PLB1: variants seen among roughly 807,000 people sequenced by gnomAD.
The protein encoded by PLB1 is phospholipase B1.
A neutral mutation model predicts 227.4 loss-of-function variants in PLB1; 242 were observed. That is an observed-to-expected ratio of 1.06 (90% CI 0.96 to 1.18). PLB1 has a LOEUF of 1.18. Ranked by LOEUF, PLB1 falls within the 50% of genes most tolerant of loss-of-function variation. The pLI is 0.00. For synonymous variants in PLB1, 757 were observed against 682.2 expected, an observed-to-expected ratio of 1.11 and a Z score of -1.71; for missense variants, 1,858 against 1,816.3, an observed-to-expected ratio of 1.02 and a Z score of -0.42.
chr2:28,575,903 G>T lies in PLB1; in HGVS notation c.1434-2204G>T, dbSNP rs1573088393. On this transcript the variant is annotated intron_variant, in intron 21 of 57. Coordinates refer to ENST00000327757, the MANE Select transcript of PLB1 (RefSeq NM_153021.5). ...GAGGCTTTCTTTTCCTTTTGATGGG[G>T]ATAGGATTAAAAGGCTGCAGGTTTA... Among the ~76,000 whole-genome samples, 3 of 152,258 alleles carry T rather than the reference G, an allele frequency of 2.0e-5. No homozygotes were observed. The South Asian group carries it at 6.2e-4, about 32-fold the overall frequency.
At chr2:28,550,744 G>A (rs1674115016) in intron 16 of PLB1, among the ~76,000 whole-genome samples, 1 of 151,870 alleles carries the variant, frequency 6.6e-6, no homozygotes, top group Non-Finnish European at 1.5e-5. Context: ...GTTTCACCAT[G>A]TTGGCCAGGC....
Position 28,606,399 on chromosome 2 carries a change from G to A in PLB1, c.3058-97G>A, listed in dbSNP as rs930137059. Reference sequence around the variant, plus strand: ...TGGGAGCCAAGCCCCCTGAAATCGAGTTCTGAGCTTTCCCCACTGCAGGAT... The same window carrying A: ...TGGGAGCCAAGCCCCCTGAAATCGAATTCTGAGCTTTCCCCACTGCAGGAT... On this transcript the variant is annotated intron_variant, in intron 42 of 57. Coordinates refer to ENST00000327757, the MANE Select transcript of PLB1 (RefSeq NM_153021.5). 37 of 1,269,746 alleles carry A rather than the reference G, an allele frequency of 2.9e-5. No homozygotes were observed. In the African/African-American group the frequency reaches 4.9e-4, roughly 17 times the overall value. The allele number at this position is 1,269,746 out of a possible 1,614,324, so 78.7% of individuals were successfully genotyped here. A position where few individuals can be genotyped will look rare whatever the true frequency, so the allele number is the denominator to read the frequency against.
rs1191197505 is a variant in PLB1 at position 28,569,486 on chromosome 2, A to T, written c.1324+2647A>T. ...AGTTCAACAAAACTGACAAAACTTT[A>T]GACTGACAAAAGGGAGGGGAAATGA... is the stretch of plus-strand genomic sequence containing the variant. On this transcript the variant is annotated intron_variant, in intron 20 of 57. Transcript: ENST00000327757. Among the ~76,000 whole-genome samples the T allele has an allele frequency of 3.3e-5, 5 of 152,338 alleles. No homozygotes were observed. In the South Asian group the frequency reaches 6.2e-4, roughly 19 times the overall value.
chr2:28,640,623 G>C (rs746282326), intron 56 of PLB1, among the ~76,000 whole-genome samples: 2 of 152,200 alleles, frequency 1.3e-5, no homozygotes, highest in Non-Finnish European at 2.9e-5. Context: ...CCCCTCCGCA[G>C]ACTTCCTGTG....
intron 21 of PLB1, among the ~76,000 whole-genome samples, chr2:28,574,686 C>A (rs756354240): frequency 1.3e-5 from 2 of 151,932 alleles, no homozygotes; most frequent in African/African-American, 4.8e-5. Context: ...CATGAGCCAC[C>A]ATGCCTGGCC....
At chr2:28,505,606 T>A (rs542367683) in intron 1 of PLB1, among the ~76,000 whole-genome samples, 121 of 152,212 alleles carry the variant, frequency 7.9e-4, no homozygotes, top group Admixed American at 2.8e-3. Context: ...GTGAACTCAT[T>A]GAGTGAGAAA....
chr2:28,534,584 G>A (rs1671429836), intron 9 of PLB1, among the ~76,000 whole-genome samples: 2 of 152,166 alleles, frequency 1.3e-5, no homozygotes, highest in Non-Finnish European at 2.9e-5. Flanking sequence ...AGCTGGGCGC[G>A]GTGGCTCACG....
At chr2:28,582,260 G>C (rs1046265398) in intron 24 of PLB1, 127 bp downstream of exon 24, 7 of 1,231,376 alleles carry the variant, frequency 5.7e-6, no homozygotes, top group Admixed American at 1.9e-5. Flanking sequence ...AATGCATAGA[G>C]GGGGAGCAGG....
intron 32 of PLB1, 85 bp downstream of exon 32, chr2:28,592,804 CTGT>C: frequency 1.6e-6 from 2 of 1,288,670 alleles, no homozygotes; most frequent in Non-Finnish European, 2.2e-6. Flanking sequence ...GTCTGCATGC[CTGT>C]CCTCTGCCTT....
intron 18 of PLB1, among the ~76,000 whole-genome samples, chr2:28,565,047 G>A (rs1171980759): frequency 6.6e-6 from 1 of 152,200 alleles, no homozygotes; most frequent in Non-Finnish European, 1.5e-5. Context: ...CCTAGGCAGG[G>A]TTTCTTAGAA....
intron 3 of PLB1, 57 bp from the exon 4 acceptor site, chr2:28,519,648 G>A: frequency 7.4e-7 from 1 of 1,346,096 alleles, no homozygotes. Flanking sequence ...GGTATCCTTG[G>A]CCGACATCAT....
chr2:28,572,436 A>C (rs1272694746), intron 20 of PLB1, among the ~76,000 whole-genome samples: 3 of 152,332 alleles, frequency 2.0e-5, no homozygotes, highest in Middle Eastern at 3.4e-3. Context: ...AATCCACACA[A>C]AAACTTGTAC....
At chr2:28,628,719 C>G in intron 52 of PLB1, 91 bp downstream of exon 52, 4 of 1,247,238 alleles carry the variant, frequency 3.2e-6, no homozygotes, top group Non-Finnish European at 4.6e-6. Flanking sequence ...GCTCACGGAG[C>G]AGAGACCCGC....
intron 6 of PLB1, among the ~76,000 whole-genome samples, chr2:28,529,030 C>G (rs1199457034): frequency 2.0e-5 from 3 of 147,692 alleles, no homozygotes; most frequent in South Asian, 4.3e-4. Context: ...TCACTGCAGT[C>G]TTGACCTCCT....
chr2:28,505,213 G>A (rs1384745398), intron 1 of PLB1, among the ~76,000 whole-genome samples: 2 of 152,196 alleles, frequency 1.3e-5, no homozygotes, highest in Non-Finnish European at 1.5e-5. Flanking sequence ...AATTAGTACA[G>A]GAAGCTGAGG....
chr2:28,634,587 C>T (rs73924327), intron 56 of PLB1, among the ~76,000 whole-genome samples: 1 of 152,126 alleles, frequency 6.6e-6, no homozygotes, highest in African/African-American at 2.4e-5. Context: ...GAAAAAGAGT[C>T]CATTGGTTTC....
chr2:28,578,143 G>A lies in PLB1; in HGVS notation c.1470G>A (p.Leu490=), dbSNP rs541675247. 6.2e-7 allele frequency: 1 copy of A among 1,614,152 alleles called. No individual in the cohort carries two copies. The highest frequency in any genetic ancestry group is 1.7e-5 in the Admixed American group (1 of 60,032). ...TCCAGGCCAGGAGGCTGGTGGACCT[G>A]ATGAAGAATGACACGGTGGGTCCCT... ...LPVQARRLVD[L]MKNDTRIHFQ... Residue 490 remains leucine, a synonymous_variant, in exon 22 of 58, where the codon CTG becomes CTA. Transcript: ENST00000327757.
chr2:28,558,628 C>G (rs1380490483), intron 17 of PLB1, among the ~76,000 whole-genome samples: 1 of 152,060 alleles, frequency 6.6e-6, no homozygotes, highest in Non-Finnish European at 1.5e-5. Context: ...AAGAGCCAAG[C>G]AGGCTGTAAT....
intron 1 of PLB1, among the ~76,000 whole-genome samples, chr2:28,496,446 C>A (rs375996332): frequency 1.1e-3 from 171 of 152,212 alleles, no homozygotes; most frequent in African/African-American, 3.5e-3. Flanking sequence ...ACAAAAAAAA[C>A]CCCTGGATTC....
Sources: gnomAD v4.1 joint callset for allele counts (sites outside exome capture counted in the v4.1 genomes callset) on GRCh38, gnomAD v4.1.1 for gene constraint, MANE v1.5 for transcripts, NCBI Gene and HGNC (gene_info 2026-07-23, HGNC 2026-07-21) for gene names.